Variants in SMIM12 observed in about 807,000 individuals in gnomAD.
SMIM12 encodes the protein small integral membrane protein 12.
SMIM12 carries 5 observed loss-of-function variants against 6.3 expected under a neutral mutation model. That is an observed-to-expected ratio of 0.80 (90% CI 0.42 to 1.68). The LOEUF (loss-of-function observed/expected upper bound fraction) is 1.68, where lower values mean the gene tolerates loss of function less well. Ranked by LOEUF, SMIM12 falls within the 40% of genes most tolerant of loss-of-function variation. The pLI, the probability that SMIM12 is intolerant of heterozygous loss-of-function variation, is 0.02. For synonymous variants in SMIM12, 51 were observed against 48.0 expected (o/e 1.06, Z -0.26); for missense variants, 103 against 121.4 (o/e 0.85, Z 0.71).
Position 34,855,644 on chromosome 1 carries a change from T to C in SMIM12, c.*55A>G, listed in dbSNP as rs760561697. ...TGTGGGTTCTGGGGCTCTGTCAACATGGTAGCAGGACAAGTCACCACCCAC... is the reference window on the plus strand; with the variant it reads ...TGTGGGTTCTGGGGCTCTGTCAACACGGTAGCAGGACAAGTCACCACCCAC... On this transcript the variant is annotated 3_prime_UTR_variant, in exon 2 of 2. Transcript: ENST00000521580. 9.9e-6 allele frequency: 16 copies of C among 1,613,884 alleles called. No homozygotes were observed. Among genetic ancestry groups the C allele is most frequent in the Non-Finnish European group, 1.2e-5 (14 of 1,179,946 alleles).
In SMIM12 at chr1:34,855,642, C is replaced by T. The variant is rs1638624691; in HGVS notation, c.*57G>A. 3.7e-6 allele frequency: 6 copies of T among 1,614,048 alleles called. No homozygotes were observed. Among genetic ancestry groups the T allele is most frequent in the Non-Finnish European group, 5.1e-6 (6 of 1,179,942 alleles). On this transcript the variant is annotated 3_prime_UTR_variant, in exon 2 of 2. Transcript: ENST00000521580. Reference sequence around the variant, plus strand: ...GATGTGGGTTCTGGGGCTCTGTCAACATGGTAGCAGGACAAGTCACCACCC... The same window carrying T: ...GATGTGGGTTCTGGGGCTCTGTCAATATGGTAGCAGGACAAGTCACCACCC...
chr1:34,858,167 C>T (rs1199269549), intron 1 of SMIM12: 2 of 151,740 alleles, frequency 1.3e-5, no homozygotes, highest in African/African-American at 4.9e-5. Context: ...ATTGTCTCAG[C>T]ACCAGGCACT....
At position 34,855,965 on chromosome 1, in the gene SMIM12, A is replaced by T; in HGVS notation, c.13T>A (p.Phe5Ile). 1 of 1,546,994 alleles carries T rather than the reference A, an allele frequency of 6.5e-7. No individual in the cohort carries two copies. The highest frequency in any genetic ancestry group is 1.4e-5 in the African/African-American group (1 of 73,042). MWPV[F>I]WTVVRTYAPY... is the part of the protein sequence containing the mutation. The stretch of plus-strand genomic sequence containing the variant: ...GCATAGGTACGAACCACGGTCCAAA[A>T]CACAGGCCACATGACATCTGCGGAA... The change falls in exon 2 of 2, where the codon TTT (phenylalanine) becomes ATT (isoleucine). Residue 5 changes from phenylalanine to isoleucine, a missense_variant. Coordinates refer to ENST00000521580, the MANE Select transcript of SMIM12 (RefSeq NM_138428.6).
At chr1:34,856,752 A>G (rs1004847448) in intron 1 of SMIM12, 5 of 152,380 alleles carry the variant, frequency 3.3e-5, no homozygotes, top group Admixed American at 1.3e-4. Context: ...CATGTAAAGC[A>G]TAAGGAGCAT....
intron 1 of SMIM12, chr1:34,857,585 T>G (rs567621010): frequency 4.6e-5 from 7 of 152,334 alleles, no homozygotes; most frequent in African/African-American, 1.7e-4. Context: ...AAGATCTTTC[T>G]GTTTATGCCC....
In SMIM12 at chr1:34,855,224, T is replaced by A; in HGVS notation, c.*475A>T. The A allele has an allele frequency of 7.3e-7, 1 of 1,368,930 alleles. No homozygotes were observed. Among genetic ancestry groups the A allele is most frequent in the Non-Finnish European group, 9.8e-7 (1 of 1,022,708 alleles). 84.8% of individuals were successfully genotyped at this position (1,368,930 alleles called of 1,614,324 possible). ...TCCTGGGGGAATCCCATTCCTGAGC[T>A]GACAAGACAGATTTCAGTAAGAATG... On this transcript the variant is annotated 3_prime_UTR_variant, in exon 2 of 2. Transcript: ENST00000521580.
intron 1 of SMIM12, chr1:34,856,579 T>C (rs149272473): frequency 2.4e-4 from 37 of 152,432 alleles, no homozygotes; most frequent in African/African-American, 8.4e-4. Context: ...AAGCCTATTG[T>C]TGACCCCAGG....
At position 34,852,495 on chromosome 1, in the gene SMIM12, T is replaced by G. The variant is rs1446473512; in HGVS notation, c.*3204A>C. On this transcript the variant is annotated 3_prime_UTR_variant, in exon 2 of 2. Transcript: ENST00000521580. ...AAAAAAAAAAAAAAAACCATAATTA[T>G]AGGTGTCATCAGAAGGAGGAGGCAG... Among the ~76,000 whole-genome samples the G allele has an allele frequency of 1.4e-5, 2 of 143,554 alleles. No individual in the cohort carries two copies. Among genetic ancestry groups the G allele is most frequent in the African/African-American group, 2.6e-5 (1 of 38,422 alleles). The allele number at this position is 143,554 out of a possible 152,430, so 94.2% of individuals were successfully genotyped here.
At position 34,854,843 on chromosome 1, in the gene SMIM12, G is replaced by A. The variant is rs1416371261; in HGVS notation, c.*856C>T. On this transcript the variant is annotated 3_prime_UTR_variant, in exon 2 of 2. Transcript: ENST00000521580. ...AGGTCTACCTCCATTTAGACTTGAA[G>A]GTGCTGCAGCCAATTGTAATAATGG... The A allele has an allele frequency of 9.5e-6, 2 of 210,278 alleles. No individual in the cohort carries two copies. Among genetic ancestry groups the A allele is most frequent in the African/African-American group, 2.3e-5 (1 of 42,714 alleles). 13.0% of individuals were successfully genotyped at this position (210,278 alleles called of 1,614,324 possible).
chr1:34,854,839 TGA>T lies in SMIM12; in HGVS notation c.*858_*859del, dbSNP rs1638587837. The T allele has an allele frequency of 4.8e-6, 1 of 209,544 alleles. No homozygotes were observed. The highest frequency in any genetic ancestry group is 2.3e-5 in the African/African-American group (1 of 42,690). The allele number at this position is 209,544 out of a possible 1,614,324, so 13.0% of individuals were successfully genotyped here. A position where few individuals can be genotyped will look rare whatever the true frequency, so the allele number is the denominator to read the frequency against. On this transcript the variant is annotated 3_prime_UTR_variant, in exon 2 of 2. Coordinates refer to ENST00000521580, the MANE Select transcript of SMIM12 (RefSeq NM_138428.6). ...TGTGAGGTCTACCTCCATTTAGACTTGAAGGTGCTGCAGCCAATTGTAATAAT... is the reference window on the plus strand; with the variant it reads ...TGTGAGGTCTACCTCCATTTAGACTTAGGTGCTGCAGCCAATTGTAATAAT...
Position 34,856,485 on chromosome 1 carries a change from G to A in SMIM12, c.-5-503C>T, listed in dbSNP as rs79811149. On this transcript the variant is annotated intron_variant, in intron 1 of 1. Coordinates refer to ENST00000521580, the MANE Select transcript of SMIM12 (RefSeq NM_138428.6). ...GAAGAAGGAAGGATCTCCATTTTACGGACCGTACTCTTTGACAAGTGTGCA... is the reference window on the plus strand; with the variant it reads ...GAAGAAGGAAGGATCTCCATTTTACAGACCGTACTCTTTGACAAGTGTGCA... The A allele has an allele frequency of 7.2e-3, 1,129 of 155,892 alleles. 7 individuals are homozygous for A. Among genetic ancestry groups the A allele is most frequent in the East Asian group, 0.03 (157 of 5,262 alleles). 9.7% of individuals were successfully genotyped at this position (155,892 alleles called of 1,614,324 possible).
rs1391217726 is a variant in SMIM12, at chr1:34,855,151, C to A, written c.*548G>T. ...TTCACGAGGCACATGTTCGTCCCTG[C>A]CCCAAAGTGAACAGTCTGGGCTTCC... On this transcript the variant is annotated 3_prime_UTR_variant, in exon 2 of 2. Coordinates refer to ENST00000521580, the MANE Select transcript of SMIM12 (RefSeq NM_138428.6). 3 of 1,361,688 alleles carry A rather than the reference C, an allele frequency of 2.2e-6. No individual in the cohort carries two copies. Among genetic ancestry groups the A allele is most frequent in the Non-Finnish European group, 2.9e-6 (3 of 1,018,360 alleles). 84.4% of individuals were successfully genotyped at this position (1,361,688 alleles called of 1,614,324 possible). A position where few individuals can be genotyped will look rare whatever the true frequency, so the allele number is the denominator to read the frequency against.
At chr1:34,858,318 G>A (rs779663677) in intron 1 of SMIM12, 1 of 152,014 alleles carries the variant, frequency 6.6e-6, no homozygotes, top group Non-Finnish European at 1.5e-5. Context: ...AGAAGTGATA[G>A]AGCCACTGAT....
chr1:34,855,484 C>T lies in SMIM12; in HGVS notation c.*215G>A, dbSNP rs773004880. On this transcript the variant is annotated 3_prime_UTR_variant, in exon 2 of 2. Transcript: ENST00000521580. The stretch of plus-strand genomic sequence containing the variant: ...CAGATGCCTGAGTGCTTGTGGCCAC[C>T]ACACAACAGATGCGGCCTTCCTCTT... 1.2e-6 allele frequency: 2 copies of T among 1,603,100 alleles called. No individual in the cohort carries two copies. Among genetic ancestry groups the T allele is most frequent in the Non-Finnish European group, 1.7e-6 (2 of 1,173,276 alleles).
chr1:34,858,424 T>C (rs1167413579), intron 1 of SMIM12: 4 of 152,222 alleles, frequency 2.6e-5, no homozygotes, highest in African/African-American at 9.6e-5. Flanking sequence ...ACCCTGGACT[T>C]AGGGAGAGCT....
chr1:34,859,052 A>G (rs1638739801), intron 1 of SMIM12: 1 of 152,268 alleles, frequency 6.6e-6, no homozygotes, highest in East Asian at 1.9e-4. Context: ...TGGCAGGAGC[A>G]TAACAGATGC....
rs1304308808 is a variant in SMIM12 at position 34,852,004 on chromosome 1, C to G, written c.*3695G>C. On this transcript the variant is annotated 3_prime_UTR_variant, in exon 2 of 2. Transcript: ENST00000521580. ...CCCACGTCCACATAAACCTTGCTATCTAATGTCACCCGAGCAGAGGCAAGA... is the reference window on the plus strand; with the variant it reads ...CCCACGTCCACATAAACCTTGCTATGTAATGTCACCCGAGCAGAGGCAAGA... Among the ~76,000 whole-genome samples, 1 of 152,210 alleles carries G rather than the reference C, an allele frequency of 6.6e-6. No homozygotes were observed. The highest frequency in any genetic ancestry group is 1.5e-5 in the Non-Finnish European group (1 of 68,040).
At chr1:34,857,396 T>C (rs1638688683) in intron 1 of SMIM12, 1 of 152,218 alleles carries the variant, frequency 6.6e-6, no homozygotes, top group Non-Finnish European at 1.5e-5. Context: ...CATTATCAAT[T>C]ATCAAAGATC....
chr1:34,852,263 C>A lies in SMIM12; in HGVS notation c.*3436G>T, dbSNP rs1044831426. On this transcript the variant is annotated 3_prime_UTR_variant, in exon 2 of 2. Transcript: ENST00000521580. The stretch of plus-strand genomic sequence containing the variant: ...TCTCGACCAGACACCAAGTGGAGGC[C>A]AACGGGTGGTGACAGGGATATTTTA... Among the ~76,000 whole-genome samples the A allele has an allele frequency of 6.6e-6, 1 of 152,084 alleles. No individual in the cohort carries two copies. Among genetic ancestry groups the A allele is most frequent in the Non-Finnish European group, 1.5e-5 (1 of 67,994 alleles).
Sources: gnomAD v4.1 joint callset for allele counts (sites outside exome capture counted in the v4.1 genomes callset) on GRCh38, gnomAD v4.1.1 for gene constraint, MANE v1.5 for transcripts, NCBI Gene and HGNC (gene_info 2026-07-23, HGNC 2026-07-21) for gene names.